DNAH11: variants seen among roughly 807,000 people sequenced by gnomAD.
The protein encoded by DNAH11 is axonemal beta dynein heavy chain 11.
DNAH11 carries 442 observed loss-of-function variants against 526.0 expected under a neutral mutation model. That is an observed-to-expected ratio of 0.84 (90% CI 0.78 to 0.91). DNAH11 has a LOEUF of 0.91. Among genes scored for constraint, DNAH11 ranks in the 40% least tolerant of loss-of-function variants. The pLI is 0.00. For synonymous variants in DNAH11, 2,461 were observed against 1,935.9 expected (o/e 1.27, Z -7.12); for missense variants, 6,989 against 5,448.7 (o/e 1.28, Z -8.90).
At chr7:21,552,487 C>G (rs1783059293) in intron 2 of DNAH11, among the ~76,000 whole-genome samples, 1 of 152,144 alleles carries the variant, frequency 6.6e-6, no homozygotes, top group Admixed American at 6.5e-5. Context: ...TTTCTACAAA[C>G]TGCAATTTGT....
chr7:21,655,286 T>C (rs534937433), intron 28 of DNAH11, among the ~76,000 whole-genome samples: 2 of 152,284 alleles, frequency 1.3e-5, no homozygotes, highest in South Asian at 4.1e-4. Context: ...TTAGTTTTAA[T>C]TTCCTCATCA....
At chr7:21,650,903 G>T (rs1010871706) in intron 28 of DNAH11, among the ~76,000 whole-genome samples, 4 of 150,890 alleles carry the variant, frequency 2.7e-5, no homozygotes, top group Admixed American at 6.6e-5. Flanking sequence ...GCCTCCCAAA[G>T]TGCTGGGATT....
chr7:21,698,888 C>G (rs572939979), intron 36 of DNAH11, among the ~76,000 whole-genome samples: 61 of 152,204 alleles, frequency 4.0e-4, no homozygotes, highest in Non-Finnish European at 1.2e-4. Flanking sequence ...ACTACCATTT[C>G]ATTTGACATT....
chr7:21,833,667 C>A (rs886233224), intron 65 of DNAH11, among the ~76,000 whole-genome samples: 1 of 151,880 alleles, frequency 6.6e-6, no homozygotes, highest in African/African-American at 2.4e-5. Context: ...TGCTCTCCAG[C>A]CTGGGCAACA....
chr7:21,883,956 T>C (rs1425182477), intron 75 of DNAH11, among the ~76,000 whole-genome samples: 1 of 152,174 alleles, frequency 6.6e-6, no homozygotes, highest in African/African-American at 2.4e-5. Flanking sequence ...GGCGAGAGGA[T>C]TGCTGGAGCC....
At chr7:21,610,393 G>A (rs1785472525) in intron 20 of DNAH11, among the ~76,000 whole-genome samples, 1 of 152,202 alleles carries the variant, frequency 6.6e-6, no homozygotes, top group Non-Finnish European at 1.5e-5. Context: ...ATGGTTACAA[G>A]TATCTTCCTA....
chr7:21,830,875 T>A (rs1161427259), intron 65 of DNAH11, among the ~76,000 whole-genome samples: 1 of 152,208 alleles, frequency 6.6e-6, no homozygotes, highest in Non-Finnish European at 1.5e-5. Context: ...GTATTTGTAC[T>A]CAGAAAAATA....
chr7:21,562,102 C>A (rs1330416749), intron 5 of DNAH11, among the ~76,000 whole-genome samples: 1 of 152,180 alleles, frequency 6.6e-6, no homozygotes, highest in Non-Finnish European at 1.5e-5. Context: ...ATTTGCTAAG[C>A]CTCTGGTTTT....
At chr7:21,845,304 A>C in intron 66 of DNAH11, among the ~76,000 whole-genome samples, 1 of 152,166 alleles carries the variant, frequency 6.6e-6, no homozygotes, top group East Asian at 1.9e-4. Flanking sequence ...ACAGTTCGTG[A>C]AGATTTATGT....
Position 21,901,695 on chromosome 7 carries a change from A to AAAAT in DNAH11, c.*443_*446dup, listed in dbSNP as rs1784872109. The AAAAT allele has an allele frequency of 6.6e-6, 1 of 151,386 alleles. No homozygotes were observed. The highest frequency in any genetic ancestry group is 6.4e-5 in the Admixed American group (1 of 15,578). The allele number at this position is 151,386 out of a possible 1,614,324, so 9.4% of individuals were successfully genotyped here. A position where few individuals can be genotyped will look rare whatever the true frequency, so the allele number is the denominator to read the frequency against. Reference sequence around the variant, plus strand: ...AAATTATTAGCCCTTAAACTCTTTCAAAATATAAAAGCAGCAGGCCCCAGG... The same window carrying AAAAT: ...AAATTATTAGCCCTTAAACTCTTTCAAAATAAATATAAAAGCAGCAGGCCCCAGG... On this transcript the variant is annotated 3_prime_UTR_variant, in exon 82 of 82. Coordinates refer to ENST00000409508, the MANE Select transcript of DNAH11 (RefSeq NM_001277115.2).
intron 66 of DNAH11, chr7:21,851,558 T>C (rs1255803221): frequency 1.5e-5 from 7 of 471,574 alleles, no homozygotes; most frequent in Non-Finnish European, 3.1e-5. Context: ...TATGTCATAA[T>C]GGTTACTTTT....
At chr7:21,604,080 A>G (rs1379991911) in intron 18 of DNAH11, among the ~76,000 whole-genome samples, 1 of 152,122 alleles carries the variant, frequency 6.6e-6, no homozygotes. Flanking sequence ...TTCAAGTGAT[A>G]GTTACTTTCA....
At chr7:21,668,065 T>C (rs1782489328) in intron 30 of DNAH11, among the ~76,000 whole-genome samples, 1 of 152,170 alleles carries the variant, frequency 6.6e-6, no homozygotes, top group Admixed American at 6.6e-5. Context: ...AAAGTTCTAA[T>C]ATACTTGATA....
intron 56 of DNAH11, among the ~76,000 whole-genome samples, chr7:21,776,831 T>C (rs938912553): frequency 3.3e-5 from 5 of 152,188 alleles, no homozygotes; most frequent in East Asian, 1.9e-4. Flanking sequence ...TCACATCTTA[T>C]AGGTTCAATG....
In DNAH11 at chr7:21,615,141, G is replaced by A; in HGVS notation, c.3880G>A (p.Glu1294Lys). Reference protein sequence around the residue: ...KANEELEALEEEMLQMQESTR... With the variant: ...KANEELEALEKEMLQMQESTR... ...AAATGAAGAGCTTGAGGCCTTAGAA[G>A]AAGAAATGTTGCAGATGCAAGAATC... The change falls in exon 21 of 82, where the codon GAA becomes AAA. Residue 1294 changes from glutamate (E) to lysine (K), a missense_variant. Physicochemically the swap from Glu to Lys is moderately conservative, Grantham distance 56. Coordinates refer to ENST00000409508, the MANE Select transcript of DNAH11 (RefSeq NM_001277115.2). 6.2e-7 allele frequency: 1 copy of A among 1,612,354 alleles called. No individual in the cohort carries two copies. The highest frequency in any genetic ancestry group is 8.5e-7 in the Non-Finnish European group (1 of 1,179,208).
intron 68 of DNAH11, 126 bp downstream of exon 68, chr7:21,854,581 A>G: frequency 9.0e-7 from 1 of 1,107,210 alleles, no homozygotes; most frequent in Non-Finnish European, 1.2e-6. Context: ...ACAGAGTCTC[A>G]CTCTGTAGCC....
chr7:21,891,417 G>A (rs781578986), intron 76 of DNAH11, among the ~76,000 whole-genome samples: 1 of 152,086 alleles, frequency 6.6e-6, no homozygotes, highest in Non-Finnish European at 1.5e-5. Flanking sequence ...TAAAACAGAG[G>A]GGTTAATGGT....
chr7:21,570,107 A>C lies in DNAH11; in HGVS notation c.1233A>C (p.Gly411=). ...AYLSPEDLLR[G]EIEESLEKVQ... ...TTTCACCTGAGGACCTTTTGAGGGG[A>C]GAAATAGAAGAGTCACTGGAAAAGG... The change falls in exon 7 of 82, where the codon GGA becomes GGC. Residue 411 remains glycine (G), a synonymous_variant. Coordinates refer to ENST00000409508, the MANE Select transcript of DNAH11 (RefSeq NM_001277115.2). 7 of 1,612,118 alleles carry C rather than the reference A, an allele frequency of 4.3e-6. No individual in the cohort carries two copies. The South Asian group carries it at 5.5e-5, about 13-fold the overall frequency.
intron 64 of DNAH11, 68 bp from the exon 65 acceptor site, chr7:21,818,149 A>C: frequency 6.7e-7 from 1 of 1,487,074 alleles, no homozygotes. Flanking sequence ...TAATTTGATC[A>C]TTTAAAAAAT....
Sources: allele counts gnomAD v4.1 joint callset (sites outside exome capture counted in the v4.1 genomes callset), GRCh38; gene constraint gnomAD v4.1.1; transcripts MANE v1.5; gene names NCBI Gene and HGNC (gene_info 2026-07-23, HGNC 2026-07-21).